The following ATXN1 variants were observed in gnomAD, a reference collection of about 807,000 sequenced individuals.
ATXN1 encodes the protein ataxin 1, also known as ataxin-1.
Under a neutral mutation model 56.4 loss-of-function variants are expected in ATXN1, and 8 were observed. The ratio of observed to expected loss-of-function variants is 0.14; its 90% CI spans 0.08 to 0.26. ATXN1 has a LOEUF of 0.26. Among genes scored for constraint, ATXN1 ranks in the 10% least tolerant of loss-of-function variants. ATXN1 has a pLI of 1.00. For missense variants in ATXN1, 987 were observed against 1,106.5 expected (o/e 0.89, Z 1.53); for synonymous variants, 514 against 494.6 (o/e 1.04, Z -0.52).
intron 3 of ATXN1, among the ~76,000 whole-genome samples, chr6:16,619,779 T>C (rs1763284742): frequency 6.6e-6 from 1 of 151,134 alleles, no homozygotes; most frequent in African/African-American, 2.4e-5. Flanking sequence ...CGTGGCAACA[T>C]GCACTATAGT....
At position 16,306,314 on chromosome 6, in the gene ATXN1, TC is replaced by T; in HGVS notation, c.*14del. ...TGATAAGGGAGAGCCACGTTTCCTT[TC>T]CCCCACGCTGCCTCTACTTGCCTAC... On this transcript the variant is annotated 3_prime_UTR_variant, in exon 8 of 8. Transcript: ENST00000436367. This position sits in a 1 kb window ranked among gnomAD's most constrained non-coding sequence, Gnocchi z 5.2. The T allele has an allele frequency of 2.5e-6, 4 of 1,581,030 alleles. No individual in the cohort carries two copies. Among genetic ancestry groups the T allele is most frequent in the Non-Finnish European group, 3.4e-6 (4 of 1,165,962 alleles).
intron 5 of ATXN1, among the ~76,000 whole-genome samples, chr6:16,502,204 A>G (rs1159595227): frequency 6.6e-6 from 1 of 152,216 alleles, no homozygotes; most frequent in Non-Finnish European, 1.5e-5. Context: ...TATGCTCTGA[A>G]TTGCTATACT....
rs573371188 is a variant in ATXN1 at position 16,327,657 on chromosome 6, C to A, written c.654G>T (p.Gln218His). ...QHQHQQQQQQ[Q>H]QQQQQQQHLS... is the part of the protein sequence containing the mutation. ...GGTGCTGCTGCTGCTGCTGCTGCTG[C>A]TGCTGCTGCTGCTGCTGCTGATGCT... Residue 218 changes from glutamine to histidine, a missense_variant, in exon 7 of 8, where the codon CAG becomes CAT. By Grantham distance (24) the Gln-to-His change is conservative. This residue lies in a region of ATXN1 where 723 missense variants were observed against 791.7 expected (regional missense o/e 0.91). Transcript: ENST00000436367. 9.7e-6 allele frequency: 15 copies of A among 1,554,180 alleles called. No individual in the cohort carries two copies. Among genetic ancestry groups the A allele is most frequent in the East Asian group, 2.5e-5 (1 of 40,006 alleles).
intron 2 of ATXN1, among the ~76,000 whole-genome samples, chr6:16,726,858 C>CA (rs1037183152): frequency 1.9e-4 from 29 of 150,516 alleles, no homozygotes; most frequent in African/African-American, 3.6e-4. Flanking sequence ...AACTTCATCT[C>CA]AAAAAAAAAC....
intron 3 of ATXN1, among the ~76,000 whole-genome samples, chr6:16,602,458 T>TC (rs1315444386): frequency 6.6e-6 from 1 of 150,898 alleles, no homozygotes; most frequent in East Asian, 1.9e-4. Flanking sequence ...CAAAATTCTT[T>TC]TTTTTTTTTT....
intron 3 of ATXN1, among the ~76,000 whole-genome samples, chr6:16,648,297 G>A (rs1763836572): frequency 6.6e-6 from 1 of 152,166 alleles, no homozygotes; most frequent in South Asian, 2.1e-4. Context: ...CATACAGTCT[G>A]CAGAGGGCAG....
chr6:16,423,738 A>G lies in ATXN1; in HGVS notation c.-161+62234T>C, dbSNP rs114073172. Among the ~76,000 whole-genome samples the G allele has an allele frequency of 5.5e-3, 837 of 152,294 alleles. 3 individuals carry two copies. Among genetic ancestry groups the G allele is most frequent in the Admixed American group, 9.7e-3 (148 of 15,298 alleles). ...TTTGTGAGTGGACAGAAATTAAATA[A>G]AGGGGTTTCCAAGTTAAGTACAGTG... On this transcript the variant is annotated intron_variant, in intron 6 of 7. Coordinates refer to ENST00000436367, the MANE Select transcript of ATXN1 (RefSeq NM_001128164.2).
At chr6:16,311,307 C>T (rs902554043) in intron 7 of ATXN1, among the ~76,000 whole-genome samples, 5 of 152,166 alleles carry the variant, frequency 3.3e-5, no homozygotes, top group Non-Finnish European at 5.9e-5. Flanking sequence ...GGATTTTATC[C>T]CAGTCATTGG....
chr6:16,426,828 G>A (rs1421239574), intron 6 of ATXN1, among the ~76,000 whole-genome samples: 1 of 149,472 alleles, frequency 6.7e-6, no homozygotes, highest in Admixed American at 6.7e-5. Context: ...CCATCTCTTA[G>A]ATGTATCTTG....
chr6:16,455,256 G>A (rs1288894696), intron 6 of ATXN1, among the ~76,000 whole-genome samples: 1 of 152,140 alleles, frequency 6.6e-6, no homozygotes, highest in Non-Finnish European at 1.5e-5. Context: ...TTTTAAAATG[G>A]ACAAAAGACC....
chr6:16,471,429 T>G (rs542048549), intron 6 of ATXN1, among the ~76,000 whole-genome samples: 1 of 152,270 alleles, frequency 6.6e-6, no homozygotes, highest in East Asian at 1.9e-4. Context: ...TTTGCTGCAA[T>G]GAGTAGTTAA....
intron 2 of ATXN1, among the ~76,000 whole-genome samples, chr6:16,666,024 C>T (rs1380455803): frequency 1.3e-5 from 2 of 152,108 alleles, no homozygotes; most frequent in African/African-American, 4.8e-5. Context: ...TTGAAATATA[C>T]AATAAGTTAT....
intron 2 of ATXN1, among the ~76,000 whole-genome samples, chr6:16,664,084 G>A (rs1032868421): frequency 1.3e-5 from 2 of 152,182 alleles, no homozygotes; most frequent in Non-Finnish European, 2.9e-5. Flanking sequence ...TCAACAGCTA[G>A]GCTGCTACCA....
intron 6 of ATXN1, among the ~76,000 whole-genome samples, chr6:16,483,576 T>C (rs893511388): frequency 5.9e-5 from 9 of 152,322 alleles, no homozygotes; most frequent in African/African-American, 1.9e-4. Flanking sequence ...AGAAAGTACT[T>C]AGCATGCACA....
At chr6:16,408,531 A>AAT (rs397717706) in intron 6 of ATXN1, among the ~76,000 whole-genome samples, 1 of 151,310 alleles carries the variant, frequency 6.6e-6, no homozygotes, top group Non-Finnish European at 1.5e-5. Flanking sequence ...AAAAAAAAAA[A>AAT]GTTAACAGTA....
At position 16,326,663 on chromosome 6, in the gene ATXN1, C is replaced by A; in HGVS notation, c.1648G>T (p.Ala550Ser). The change falls in exon 7 of 8, where the codon GCC becomes TCC. Residue 550 changes from alanine to serine, a missense_variant. Physicochemically the swap from Ala to Ser is moderately conservative, Grantham distance 99 (BLOSUM62 1). Around this residue, in one of 3 missense-constraint regions of ATXN1, gnomAD observed 723 missense variants for 791.7 expected, o/e 0.91. Coordinates refer to ENST00000436367, the MANE Select transcript of ATXN1 (RefSeq NM_001128164.2). The surrounding 1 kb of genome is among the most constrained non-coding windows in gnomAD (Gnocchi z 6.6). ...TGCACCACAGGCAGGTGGATCTGGG[C>A]CTGCACCATGGCTGGGTAGGCGGCC... The part of the protein sequence containing the change: ...TQAAYPAMVQ[A>S]QIHLPVVQSV... 6.2e-7 allele frequency: 1 copy of A among 1,613,488 alleles called. No homozygotes were observed.
chr6:16,539,990 T>C, intron 4 of ATXN1, among the ~76,000 whole-genome samples: 1 of 152,208 alleles, frequency 6.6e-6, no homozygotes, highest in African/African-American at 2.4e-5. Context: ...AGAGGATCCA[T>C]GCCACAGAAA....
chr6:16,730,487 G>GTGTATGTATATATATATATATATA (rs141836403), intron 2 of ATXN1, among the ~76,000 whole-genome samples: 147 of 132,034 alleles, frequency 1.1e-3, no homozygotes, highest in Admixed American at 2.8e-3. Context: ...AAAACAGTAT[G>GTGTATGTATATATATATATATATA]TATATATATA....
chr6:16,527,219 C>A (rs1241475486), intron 4 of ATXN1, among the ~76,000 whole-genome samples: 1 of 152,076 alleles, frequency 6.6e-6, no homozygotes, highest in Non-Finnish European at 1.5e-5. Context: ...ATACCTCCCC[C>A]CGCGACTAGT....
Sources: allele counts gnomAD v4.1 joint callset (sites outside exome capture counted in the v4.1 genomes callset), GRCh38; gene constraint gnomAD v4.1.1; regional missense constraint gnomAD v4.1.1; non-coding constraint Gnocchi (gnomAD v3.1); transcripts MANE v1.5; gene names NCBI Gene and HGNC (gene_info 2026-07-23, HGNC 2026-07-21).